Variants in NOS1AP observed in about 807,000 individuals in gnomAD.
NOS1AP encodes carboxyl-terminal PDZ ligand of neuronal nitric oxide synthase protein.
Under a neutral mutation model 56.2 loss-of-function variants are expected in NOS1AP, and 21 were observed. That is an observed-to-expected ratio of 0.37 (90% CI 0.26 to 0.54). The LOEUF (loss-of-function observed/expected upper bound fraction) is 0.54, where lower values mean the gene tolerates loss of function less well. Ranked by LOEUF, NOS1AP falls within the 20% of genes least tolerant of loss-of-function variation. NOS1AP has a pLI of 0.84. For missense variants in NOS1AP, 522 were observed against 657.8 expected, an observed-to-expected ratio of 0.79 and a Z score of 2.26; for synonymous variants, 270 against 274.6, an observed-to-expected ratio of 0.98 and a Z score of 0.17.
At chr1:162,202,204 G>A (rs4306106) in intron 2 of NOS1AP, among the ~76,000 whole-genome samples, 40,648 of 151,922 alleles carry the variant, frequency 0.27, 5,669 homozygotes, top group East Asian at 0.39. Context: ...CATTTTGGAT[G>A]GGGTAGCTTT....
At chr1:162,154,884 A>G (rs1199564921) in intron 2 of NOS1AP, among the ~76,000 whole-genome samples, 1 of 152,070 alleles carries the variant, frequency 6.6e-6, no homozygotes, top group Non-Finnish European at 1.5e-5. Flanking sequence ...GAACTGCAGA[A>G]CTCAGGCAAT....
intron 6 of NOS1AP, among the ~76,000 whole-genome samples, chr1:162,347,158 T>C (rs1476398613): frequency 6.6e-6 from 1 of 152,248 alleles, no homozygotes; most frequent in East Asian, 1.9e-4. Flanking sequence ...CATTTCTGAA[T>C]TGGAGGATTT....
At chr1:162,262,780 A>G (rs114926381) in intron 2 of NOS1AP, among the ~76,000 whole-genome samples, 4,226 of 152,326 alleles carry the variant, frequency 0.028, 76 homozygotes, top group Non-Finnish European at 0.038. Context: ...ATTTGAAGCT[A>G]CTAGTAATCT....
chr1:162,184,661 T>C (rs1431286242), intron 2 of NOS1AP, among the ~76,000 whole-genome samples: 1 of 152,106 alleles, frequency 6.6e-6, no homozygotes, highest in Non-Finnish European at 1.5e-5. Flanking sequence ...TAACATCCTT[T>C]CTCCTCCACC....
chr1:162,296,833 G>T (rs983001800), intron 3 of NOS1AP, among the ~76,000 whole-genome samples: 3 of 152,190 alleles, frequency 2.0e-5, no homozygotes, highest in African/African-American at 7.2e-5. Context: ...ACTGGCGCCC[G>T]ATGCATCCTC....
chr1:162,175,907 T>G (rs1389712658), intron 2 of NOS1AP, among the ~76,000 whole-genome samples: 1 of 152,152 alleles, frequency 6.6e-6, no homozygotes, highest in East Asian at 1.9e-4. Context: ...ATTGTTCACT[T>G]CCAGTGTACG....
At chr1:162,354,027 A>G (rs749565231) in intron 6 of NOS1AP, among the ~76,000 whole-genome samples, 2 of 152,238 alleles carry the variant, frequency 1.3e-5, no homozygotes, top group African/African-American at 4.8e-5. Flanking sequence ...TGGAGTAGCC[A>G]GGAAGAAAAC....
intron 5 of NOS1AP, among the ~76,000 whole-genome samples, chr1:162,336,110 A>G (rs541373360): frequency 2.0e-5 from 3 of 152,234 alleles, no homozygotes; most frequent in Non-Finnish European, 4.4e-5. Flanking sequence ...ACTCTAGATT[A>G]TCTAAGTTCC....
At chr1:162,230,071 G>A (rs1430609737) in intron 2 of NOS1AP, among the ~76,000 whole-genome samples, 9 of 152,158 alleles carry the variant, frequency 5.9e-5, no homozygotes, top group Non-Finnish European at 1.3e-4. Context: ...CTGAGTGAGA[G>A]TGTCCAAGGA....
intron 2 of NOS1AP, among the ~76,000 whole-genome samples, chr1:162,155,298 GTATATGTATGTGTATATA>G (rs1484741529): frequency 8.4e-5 from 12 of 142,604 alleles, no homozygotes; most frequent in South Asian, 2.3e-4. Flanking sequence ...ACATATATAT[GTATATGTATGTGTATATA>G]TATATGTATG....
chr1:162,230,156 G>C (rs957499685), intron 2 of NOS1AP, among the ~76,000 whole-genome samples: 1 of 152,190 alleles, frequency 6.6e-6, no homozygotes, highest in Non-Finnish European at 1.5e-5. Flanking sequence ...GGGCCCACTG[G>C]ATGGTAGAGA....
At chr1:162,185,165 A>G (rs1470446311) in intron 2 of NOS1AP, among the ~76,000 whole-genome samples, 2 of 152,026 alleles carry the variant, frequency 1.3e-5, no homozygotes, top group African/African-American at 4.8e-5. Context: ...TTCCTCTTCC[A>G]CTTTTGAGGA....
At chr1:162,226,031 T>G (rs1652929716) in intron 2 of NOS1AP, among the ~76,000 whole-genome samples, 4 of 152,214 alleles carry the variant, frequency 2.6e-5, no homozygotes, top group Non-Finnish European at 1.5e-5. Flanking sequence ...TGGTGGCTCA[T>G]GCCTGTAATC....
rs564066901 is a variant in NOS1AP at position 162,118,425 on chromosome 1, C to T, written c.106-35980C>T. Among the ~76,000 whole-genome samples, 30 of 152,248 alleles carry T rather than the reference C, an allele frequency of 2.0e-4. 1 individual carries two copies. Among genetic ancestry groups the T allele is most frequent in the Admixed American group, 7.2e-4 (11 of 15,294 alleles). Reference sequence around the variant, plus strand: ...CCAGCTACATCCACGTTGCTGCAAACGACATGATTTCATTCTTTTTTGTGG... The same window carrying T: ...CCAGCTACATCCACGTTGCTGCAAATGACATGATTTCATTCTTTTTTGTGG... On this transcript the variant is annotated intron_variant, in intron 1 of 9. Transcript: ENST00000361897.
At chr1:162,322,223 C>T (rs1656445507) in intron 4 of NOS1AP, among the ~76,000 whole-genome samples, 1 of 152,176 alleles carries the variant, frequency 6.6e-6, no homozygotes, top group Non-Finnish European at 1.5e-5. Flanking sequence ...AAGCCACCAG[C>T]AGTGGCTTGT....
chr1:162,284,026 C>T (rs1366433111), intron 2 of NOS1AP, among the ~76,000 whole-genome samples: 1 of 152,198 alleles, frequency 6.6e-6, no homozygotes, highest in Non-Finnish European at 1.5e-5. Flanking sequence ...ACAGATGCTT[C>T]CTCCAGAGCT....
intron 4 of NOS1AP, among the ~76,000 whole-genome samples, chr1:162,313,888 A>C (rs1656142280): frequency 6.6e-6 from 1 of 152,070 alleles, no homozygotes; most frequent in South Asian, 2.1e-4. Flanking sequence ...CTTGATTTTA[A>C]ATTCAGTCAT....
intron 1 of NOS1AP, among the ~76,000 whole-genome samples, chr1:162,147,360 TA>T (rs1649517900): frequency 1.4e-5 from 2 of 141,540 alleles, no homozygotes; most frequent in African/African-American, 5.2e-5. Flanking sequence ...AAAAGATAAA[TA>T]CATTTTTCCC....
At chr1:162,103,058 G>A (rs964783857) in intron 1 of NOS1AP, among the ~76,000 whole-genome samples, 2 of 152,040 alleles carry the variant, frequency 1.3e-5, no homozygotes, top group African/African-American at 4.8e-5. Context: ...TTAGCTTTTT[G>A]ATGTGGGCAT....
Sources: allele counts gnomAD v4.1 joint callset (sites outside exome capture counted in the v4.1 genomes callset), GRCh38; gene constraint gnomAD v4.1.1; transcripts MANE v1.5; gene names NCBI Gene and HGNC (gene_info 2026-07-23, HGNC 2026-07-21).